The following HCN4 variants were observed in gnomAD, a reference collection of about 807,000 sequenced individuals.
HCN4 encodes potassium/sodium hyperpolarization-activated cyclic nucleotide-gated channel 4.
Under a neutral mutation model 76.9 loss-of-function variants are expected in HCN4, and 29 were observed. The observed-to-expected ratio is 0.38, with a 90% CI of 0.28 to 0.51. The LOEUF is 0.51. HCN4 is among the 20% of genes least tolerant of loss of function. HCN4 has a pLI of 0.90. For missense variants in HCN4, 1,416 were observed against 1,715.2 expected, an observed-to-expected ratio of 0.83 and a Z score of 3.08; for synonymous variants, 772 against 762.5, an observed-to-expected ratio of 1.01 and a Z score of -0.21.
chr15:73,333,050 C>T (rs750563134), intron 2 of HCN4, among the ~76,000 whole-genome samples: 8 of 152,146 alleles, frequency 5.3e-5, no homozygotes, highest in African/African-American at 9.7e-5. Flanking sequence ...TTGGTTAATA[C>T]GTATTTGGGG....
intron 1 of HCN4, among the ~76,000 whole-genome samples, chr15:73,345,472 A>G (rs2043025505): frequency 1.3e-5 from 2 of 152,144 alleles, no homozygotes; most frequent in South Asian, 4.2e-4. Flanking sequence ...GCCAGCTGAG[A>G]GAACCCAACT....
intron 1 of HCN4, among the ~76,000 whole-genome samples, chr15:73,344,349 C>G (rs1322878176): frequency 6.6e-6 from 1 of 152,158 alleles, no homozygotes; most frequent in Non-Finnish European, 1.5e-5. Flanking sequence ...CATCAACATG[C>G]TATGTGACAT....
chr15:73,332,795 A>G (rs1198792750), intron 2 of HCN4, among the ~76,000 whole-genome samples: 1 of 152,194 alleles, frequency 6.6e-6, no homozygotes, highest in Middle Eastern at 3.2e-3. Context: ...ACAGGCTCAC[A>G]GGCCCCAAGT....
intron 2 of HCN4, among the ~76,000 whole-genome samples, chr15:73,342,766 G>C (rs1471508049): frequency 6.6e-6 from 1 of 152,202 alleles, no homozygotes; most frequent in African/African-American, 2.4e-5. Context: ...TAAGAGAGTT[G>C]CCAACAAAAT....
In HCN4 at chr15:73,325,809, G is replaced by A. The variant is rs1313510194; in HGVS notation, c.1591-365C>T. 1.3e-5 allele frequency among the ~76,000 whole-genome samples: 2 copies of A among 152,160 alleles called. No homozygotes were observed. The highest frequency in any genetic ancestry group is 2.9e-5 in the Non-Finnish European group (2 of 68,032). ...GGAATGTTACACTGGGGACAGGGAG[G>A]CCTCACCGACTCTGCGGGGAAAGAA... On this transcript the variant is annotated intron_variant, in intron 4 of 7. Transcript: ENST00000261917. This position sits in a 1 kb window ranked among gnomAD's most constrained non-coding sequence, Gnocchi z 7.4.
intron 2 of HCN4, among the ~76,000 whole-genome samples, chr15:73,339,454 CCA>C (rs2151219971): frequency 6.6e-6 from 1 of 152,308 alleles, no homozygotes; most frequent in East Asian, 1.9e-4. Context: ...CAAGCTTTCC[CCA>C]GTCTGTGGGA....
chr15:73,329,081 C>A (rs2042916443), intron 4 of HCN4, among the ~76,000 whole-genome samples: 1 of 152,148 alleles, frequency 6.6e-6, no homozygotes, highest in Non-Finnish European at 1.5e-5. Flanking sequence ...GTGGTGAAAC[C>A]ACAGCACCGG....
chr15:73,325,213 T>C lies in HCN4; in HGVS notation c.1738-18A>G, dbSNP rs2151215522. 1 of 1,613,980 alleles carries C rather than the reference T, an allele frequency of 6.2e-7. No individual in the cohort carries two copies. Among genetic ancestry groups the C allele is most frequent in the Non-Finnish European group, 8.5e-7 (1 of 1,179,902 alleles). On this transcript the variant is annotated intron_variant, in intron 5 of 7. Transcript: ENST00000261917. The surrounding 1 kb of genome is among the most constrained non-coding windows in gnomAD (Gnocchi z 7.4). Reference sequence around the variant, plus strand: ...ATGATCTCCTGCCGGACAGGGTGGATTGGGACACGGGAAGGAGGTGGTGAG... The same window carrying C: ...ATGATCTCCTGCCGGACAGGGTGGACTGGGACACGGGAAGGAGGTGGTGAG...
rs1330976325 is a variant in HCN4, at chr15:73,320,965, T to TC, written c.*1515dup. 1 of 152,242 alleles carries TC rather than the reference T, an allele frequency of 6.6e-6. No individual in the cohort carries two copies. The highest frequency in any genetic ancestry group is 1.5e-5 in the Non-Finnish European group (1 of 68,070). 9.4% of individuals were successfully genotyped at this position (152,242 alleles called of 1,614,324 possible). A position where few individuals can be genotyped will look rare whatever the true frequency, so the allele number is the denominator to read the frequency against. ...CCCTCAGCCAAAGCTCCCTGGGCTC[T>TC]CACATAGTTTGCTGGAGCAATAGGC... On this transcript the variant is annotated 3_prime_UTR_variant, in exon 8 of 8. Transcript: ENST00000261917.
chr15:73,367,904 G>A lies in HCN4; in HGVS notation c.367C>T (p.His123Tyr). The A allele has an allele frequency of 7.2e-7, 1 of 1,390,992 alleles. No homozygotes were observed. 86.2% of individuals were successfully genotyped at this position (1,390,992 alleles called of 1,614,324 possible). ...TGSGSSHGHL[H>Y]DSAEERRLIA... ...AGCCGCCGCTCCTCCGCGGAGTCAT[G>A]CAGGTGTCCGTGACTGCTGCCGCTC... is the stretch of plus-strand genomic sequence containing the variant. The change falls in exon 1 of 8, where the codon CAT (histidine) becomes TAT (tyrosine). Residue 123 changes from histidine (H) to tyrosine (Y), a missense_variant. Around this residue, in one of 6 missense-constraint regions of HCN4, gnomAD observed 355 missense variants for 347.8 expected, o/e 1.02. Coordinates refer to ENST00000261917, the MANE Select transcript of HCN4 (RefSeq NM_005477.3). This position sits in a 1 kb window ranked among gnomAD's most constrained non-coding sequence, Gnocchi z 7.5.
intron 2 of HCN4, among the ~76,000 whole-genome samples, chr15:73,336,005 G>A (rs187918999): frequency 2.6e-5 from 4 of 152,284 alleles, no homozygotes; most frequent in Admixed American, 2.6e-4. Context: ...AGAGCTCATA[G>A]TCTGGCTGGG....
In HCN4 at chr15:73,322,870, T is replaced by C. The variant is rs780495317; in HGVS notation, c.3223A>G (p.Thr1075Ala). The change falls in exon 8 of 8, where the codon ACC becomes GCC. Residue 1075 changes from threonine (T) to alanine (A), a missense_variant. Coordinates refer to ENST00000261917, the MANE Select transcript of HCN4 (RefSeq NM_005477.3). ...AGGTCCTGGGTGAGGCGGCCGGGGG[T>C]GAGCGGGGGTGTGCCCCGGCGCTGG... ...VPQRRGTPPL[T>A]PGRLTQDLKL... 2.0e-6 allele frequency: 3 copies of C among 1,468,302 alleles called. No individual in the cohort carries two copies. Among genetic ancestry groups the C allele is most frequent in the Non-Finnish European group, 2.7e-6 (3 of 1,112,770 alleles). The allele number at this position is 1,468,302 out of a possible 1,614,324, so 91.0% of individuals were successfully genotyped here.
At chr15:73,345,367 C>T (rs956841532) in intron 1 of HCN4, among the ~76,000 whole-genome samples, 4 of 152,128 alleles carry the variant, frequency 2.6e-5, no homozygotes, top group Non-Finnish European at 5.9e-5. Flanking sequence ...CAAGACAGGG[C>T]CTTATGGGGG....
At chr15:73,329,552 G>A (rs2042920098) in intron 4 of HCN4, 21 bp downstream of exon 4, 1 of 1,610,490 alleles carries the variant, frequency 6.2e-7, no homozygotes, top group African/African-American at 1.3e-5. Context: ...CAATGTGCGG[G>A]TGCTCCCTGG....
intron 1 of HCN4, among the ~76,000 whole-genome samples, chr15:73,358,541 C>G (rs752646911): frequency 1.3e-5 from 2 of 152,188 alleles, no homozygotes; most frequent in Admixed American, 1.3e-4. Flanking sequence ...GCAGGAGAAG[C>G]GAGTCTTCTC....
intron 1 of HCN4, among the ~76,000 whole-genome samples, chr15:73,349,269 C>T (rs990719417): frequency 1.3e-5 from 2 of 152,140 alleles, no homozygotes; most frequent in Non-Finnish European, 2.9e-5. Flanking sequence ...AGGAGGATGG[C>T]AGTCAATACT....
At chr15:73,329,918 C>T in intron 3 of HCN4, 127 bp from the exon 4 acceptor site, 1 of 755,118 alleles carries the variant, frequency 1.3e-6, no homozygotes, top group African/African-American at 1.7e-5. Context: ...GGCTCCCTAA[C>T]CTTGCTGTTG....
chr15:73,323,451 G>A lies in HCN4; in HGVS notation c.2642C>T (p.Ser881Phe), dbSNP rs2151214556. 6.2e-7 allele frequency: 1 copy of A among 1,609,122 alleles called. No homozygotes were observed. Among genetic ancestry groups the A allele is most frequent in the South Asian group, 1.1e-5 (1 of 91,062 alleles). The change falls in exon 8 of 8, where the codon TCC becomes TTC. Residue 881 changes from serine (S) to phenylalanine (F), a missense_variant. Around this residue, in one of 6 missense-constraint regions of HCN4, gnomAD observed 633 missense variants for 579.8 expected, o/e 1.09. Coordinates refer to ENST00000261917, the MANE Select transcript of HCN4 (RefSeq NM_005477.3). The stretch of plus-strand genomic sequence containing the variant: ...GGAGCCACAGGCCCCGGGGGGTGGG[G>A]AGGAGCTGGATGAGGGCAGGAGTGG... Reference protein sequence around the residue: ...LSPLLPSSSSSPPPGACGSPS... With the variant: ...LSPLLPSSSSFPPPGACGSPS...
chr15:73,361,519 G>A (rs903044106), intron 1 of HCN4, among the ~76,000 whole-genome samples: 2 of 152,214 alleles, frequency 1.3e-5, no homozygotes, highest in African/African-American at 4.8e-5. Context: ...ATTAGCAACT[G>A]GCAGTCGCAG....
Sources: gnomAD v4.1 joint callset for allele counts (sites outside exome capture counted in the v4.1 genomes callset) on GRCh38, gnomAD v4.1.1 for gene constraint, gnomAD v4.1.1 regional missense constraint, Gnocchi (gnomAD v3.1) non-coding constraint, MANE v1.5 for transcripts, NCBI Gene and HGNC (gene_info 2026-07-23, HGNC 2026-07-21) for gene names.